Variants in CRYL1 observed in about 807,000 individuals in gnomAD.
CRYL1 encodes lambda-crystallin homolog.
Under a neutral mutation model 36.6 loss-of-function variants are expected in CRYL1, and 29 were observed. That is an observed-to-expected ratio of 0.79 (90% CI 0.59 to 1.08). CRYL1 has a LOEUF of 1.08. Among genes scored for constraint, CRYL1 ranks in the 50% least tolerant of loss-of-function variants. The pLI, the probability that CRYL1 is intolerant of heterozygous loss-of-function variation, is 0.00. For synonymous variants in CRYL1, 152 were observed against 151.5 expected (o/e 1.00, Z -0.02); for missense variants, 411 against 407.9 (o/e 1.01, Z -0.06).
intron 6 of CRYL1, among the ~76,000 whole-genome samples, chr13:20,407,053 T>G (rs548260445): frequency 6.7e-6 from 1 of 150,336 alleles, no homozygotes; most frequent in African/African-American, 2.4e-5. Context: ...AAAGGGACAT[T>G]TATTTCTACA....
chr13:20,429,636 C>A (rs1226337134), intron 5 of CRYL1, among the ~76,000 whole-genome samples: 1 of 152,164 alleles, frequency 6.6e-6, no homozygotes, highest in Non-Finnish European at 1.5e-5. Flanking sequence ...TTCTCTAGGG[C>A]CACACTGAGA....
chr13:20,503,299 T>C (rs1438786448), intron 2 of CRYL1, among the ~76,000 whole-genome samples: 3 of 152,136 alleles, frequency 2.0e-5, no homozygotes, highest in Non-Finnish European at 4.4e-5. Flanking sequence ...GCCATGAACT[T>C]TGGGCAACAG....
chr13:20,516,486 C>CTT (rs113073630), intron 1 of CRYL1, among the ~76,000 whole-genome samples: 1 of 147,032 alleles, frequency 6.8e-6, no homozygotes, highest in African/African-American at 2.5e-5. Context: ...AAAAGATAAT[C>CTT]TTTTTTTTTT....
chr13:20,457,852 T>C (rs937464921), intron 3 of CRYL1, among the ~76,000 whole-genome samples: 2 of 152,192 alleles, frequency 1.3e-5, no homozygotes, highest in Non-Finnish European at 1.5e-5. Flanking sequence ...CCACGGTTAT[T>C]ATCTTCATTT....
At chr13:20,475,531 C>T (rs1361415515) in intron 3 of CRYL1, among the ~76,000 whole-genome samples, 10 of 152,134 alleles carry the variant, frequency 6.6e-5, no homozygotes. Flanking sequence ...GGAATAAATA[C>T]TAGCACCCAC....
intron 3 of CRYL1, among the ~76,000 whole-genome samples, chr13:20,466,385 G>C (rs138503331): frequency 3.9e-5 from 6 of 152,274 alleles, no homozygotes; most frequent in African/African-American, 1.4e-4. Context: ...GGCAAAATGT[G>C]ATCAGATATT....
chr13:20,422,053 T>C (rs1169693395), intron 5 of CRYL1, among the ~76,000 whole-genome samples: 1 of 152,022 alleles, frequency 6.6e-6, no homozygotes, highest in Non-Finnish European at 1.5e-5. Flanking sequence ...GGAAAATTGC[T>C]GCTAGAAAAA....
In CRYL1 at chr13:20,481,447, T is replaced by A. The variant is rs1035598300; in HGVS notation, c.276+7923A>T. 3.9e-5 allele frequency among the ~76,000 whole-genome samples: 6 copies of A among 151,936 alleles called. No homozygotes were observed. Among genetic ancestry groups the A allele is most frequent in the African/African-American group, 1.5e-4 (6 of 41,368 alleles). On this transcript the variant is annotated intron_variant, in intron 3 of 7. Coordinates refer to ENST00000298248, the MANE Select transcript of CRYL1 (RefSeq NM_015974.3). The surrounding 1 kb of genome is among the most constrained non-coding windows in gnomAD (Gnocchi z 4.1). ...AGGCCTGGGGAACGGTGGGAGGAAA[T>A]TAGCTGCAAAGGGAAGGAGAGGCTC...
intron 3 of CRYL1, among the ~76,000 whole-genome samples, chr13:20,462,016 GGTC>G: frequency 6.9e-6 from 1 of 143,994 alleles, no homozygotes; most frequent in African/African-American, 2.6e-5. Flanking sequence ...TGGGAGGAGG[GGTC>G]AGGAGGACAG....
chr13:20,462,175 CGACCTAGTGGG>C (rs1351686096), intron 3 of CRYL1, among the ~76,000 whole-genome samples: 1 of 3,156 alleles, frequency 3.2e-4, no homozygotes, highest in Non-Finnish European at 7.7e-4. Context: ...GGTGGCAGGA[CGACCTAGTGGG>C]AGGACGACCT....
chr13:20,404,085 AT>A lies in CRYL1; in HGVS notation c.*43del, dbSNP rs1565953259. On this transcript the variant is annotated 3_prime_UTR_variant, in exon 8 of 8. Transcript: ENST00000298248. ...GATTAAGGGCTTGCAGTGTTCCCAA[AT>A]AGGGCCTCCAATGAGAGGAGTGGAA... is the stretch of plus-strand genomic sequence containing the variant. The A allele has an allele frequency of 1.5e-6, 2 of 1,368,266 alleles. No individual in the cohort carries two copies. Among genetic ancestry groups the A allele is most frequent in the Admixed American group, 1.7e-5 (1 of 59,452 alleles). The allele number at this position is 1,368,266 out of a possible 1,614,324, so 84.8% of individuals were successfully genotyped here.
chr13:20,448,366 CAG>C (rs1013691132), intron 3 of CRYL1, among the ~76,000 whole-genome samples: 20 of 152,092 alleles, frequency 1.3e-4, no homozygotes, highest in African/African-American at 4.8e-4. Flanking sequence ...CGGAATAGGA[CAG>C]AAGAAAAATT....
chr13:20,523,689 T>C (rs1425675743), intron 1 of CRYL1, among the ~76,000 whole-genome samples: 1 of 152,042 alleles, frequency 6.6e-6, no homozygotes, highest in East Asian at 1.9e-4. Flanking sequence ...GAGGCAGAGC[T>C]GGGTGTGTGC....
chr13:20,504,407 G>C (rs986058451), intron 2 of CRYL1, among the ~76,000 whole-genome samples: 7 of 149,148 alleles, frequency 4.7e-5, no homozygotes, highest in African/African-American at 1.7e-4. Context: ...ACGTTCAAGC[G>C]ATTCTCCTGC....
At chr13:20,427,559 G>A (rs1214093089) in intron 5 of CRYL1, among the ~76,000 whole-genome samples, 3 of 151,954 alleles carry the variant, frequency 2.0e-5, no homozygotes, top group Admixed American at 1.3e-4. Context: ...CACTGGCAGC[G>A]TGGCTCCCCT....
At chr13:20,491,058 C>T (rs865787765) in intron 2 of CRYL1, among the ~76,000 whole-genome samples, 3 of 152,222 alleles carry the variant, frequency 2.0e-5, no homozygotes, top group Admixed American at 6.5e-5. Context: ...ATGCGTGCCA[C>T]CACGCCTGAC....
chr13:20,499,389 C>T (rs1384781848), intron 2 of CRYL1, among the ~76,000 whole-genome samples: 1 of 150,994 alleles, frequency 6.6e-6, no homozygotes, highest in Admixed American at 6.6e-5. Flanking sequence ...TGGCTCATGC[C>T]TTTAATCCCA....
chr13:20,479,184 G>A (rs1051880960), intron 3 of CRYL1, among the ~76,000 whole-genome samples: 1 of 152,172 alleles, frequency 6.6e-6, no homozygotes, highest in Non-Finnish European at 1.5e-5. Context: ...TGGATGTTGG[G>A]ATGATGCCAC....
At chr13:20,451,459 A>G (rs35456729) in intron 3 of CRYL1, among the ~76,000 whole-genome samples, 6,983 of 152,288 alleles carry the variant, frequency 0.046, 338 homozygotes, top group Admixed American at 0.16. Flanking sequence ...CAAACAAAAG[A>G]AAACATGAAA....
Sources: allele counts gnomAD v4.1 joint callset (sites outside exome capture counted in the v4.1 genomes callset), GRCh38; gene constraint gnomAD v4.1.1; non-coding constraint Gnocchi (gnomAD v3.1); transcripts MANE v1.5; gene names NCBI Gene and HGNC (gene_info 2026-07-23, HGNC 2026-07-21).